EIF4G3: variants seen among roughly 807,000 people sequenced by gnomAD.
The protein encoded by EIF4G3 is eIF-4-gamma 3.
A neutral mutation model predicts 186.4 loss-of-function variants in EIF4G3; 34 were observed. That is an observed-to-expected ratio of 0.18 (90% CI 0.14 to 0.24). The LOEUF is 0.24. Among genes scored for constraint, EIF4G3 ranks in the 10% least tolerant of loss-of-function variants. The pLI, the probability that EIF4G3 is intolerant of heterozygous loss-of-function variation, is 1.00. For synonymous variants in EIF4G3, 673 were observed against 679.5 expected, an observed-to-expected ratio of 0.99 and a Z score of 0.15; for missense variants, 1,536 against 1,948.5, an observed-to-expected ratio of 0.79 and a Z score of 3.99.
intron 3 of EIF4G3, among the ~76,000 whole-genome samples, chr1:21,061,606 G>GA (rs1289790157): frequency 6.6e-6 from 1 of 152,084 alleles, no homozygotes; most frequent in Non-Finnish European, 1.5e-5. Flanking sequence ...GAAAAAGTCT[G>GA]AAACTTATGA....
intron 3 of EIF4G3, among the ~76,000 whole-genome samples, chr1:21,069,692 G>T (rs2095382305): frequency 1.3e-5 from 2 of 152,146 alleles, no homozygotes; most frequent in South Asian, 4.1e-4. Flanking sequence ...GTCACAACAG[G>T]AAAGGCTGTT....
At chr1:21,020,129 T>A (rs2090317723) in intron 4 of EIF4G3, among the ~76,000 whole-genome samples, 1 of 152,134 alleles carries the variant, frequency 6.6e-6, no homozygotes. Flanking sequence ...TCTTACTTAT[T>A]CTTTGCAACG....
chr1:20,945,326 AG>A (rs927144460), intron 13 of EIF4G3, among the ~76,000 whole-genome samples: 1 of 152,230 alleles, frequency 6.6e-6, no homozygotes, highest in Non-Finnish European at 1.5e-5. Context: ...AGGAGAAAAA[AG>A]GAAATCAACT....
chr1:21,079,939 G>C (rs2095713398), intron 3 of EIF4G3, among the ~76,000 whole-genome samples: 1 of 151,000 alleles, frequency 6.6e-6, no homozygotes, highest in Non-Finnish European at 1.5e-5. Context: ...ATCACCTGAG[G>C]TCAGGAGTTC....
Position 20,994,065 on chromosome 1 carries a change from A to C in EIF4G3, c.177+3536T>G, listed in dbSNP as rs532090581. On this transcript the variant is annotated intron_variant, in intron 7 of 36. Coordinates refer to ENST00000602326, the MANE Select transcript of EIF4G3 (RefSeq NM_001391906.1). ...CCATGGAGGGTATTTGGAAATGTAC[A>C]GTGGTGGTTTTCTTTTGTTTTGCTT... 3.3e-5 allele frequency among the ~76,000 whole-genome samples: 5 copies of C among 152,338 alleles called. No homozygotes were observed. In the East Asian group the frequency reaches 9.7e-4, roughly 29 times the overall value.
At chr1:21,115,885 A>AT (rs112476251) in intron 2 of EIF4G3, among the ~76,000 whole-genome samples, 166 of 151,446 alleles carry the variant, frequency 1.1e-3, no homozygotes, top group African/African-American at 3.9e-3. Context: ...TGCCCAGCTA[A>AT]TTTTTTTTTA....
intron 2 of EIF4G3, among the ~76,000 whole-genome samples, chr1:21,098,589 A>G (rs1029061802): frequency 3.0e-4 from 45 of 151,382 alleles, no homozygotes; most frequent in Non-Finnish European, 6.3e-4. Flanking sequence ...GAAGAAAGAA[A>G]CTAAACACTC....
intron 25 of EIF4G3, among the ~76,000 whole-genome samples, chr1:20,856,244 G>A (rs1027666132): frequency 1.3e-5 from 2 of 152,198 alleles, no homozygotes; most frequent in Non-Finnish European, 1.5e-5. Context: ...ACAAAACTGT[G>A]AAGATGCAAA....
At chr1:20,919,163 A>G (rs2094243241) in intron 14 of EIF4G3, among the ~76,000 whole-genome samples, 2 of 152,128 alleles carry the variant, frequency 1.3e-5, no homozygotes, top group African/African-American at 4.8e-5. Context: ...TTAAACTTAT[A>G]CATATTGTCT....
intron 4 of EIF4G3, among the ~76,000 whole-genome samples, chr1:21,019,401 T>A (rs1463006706): frequency 6.6e-6 from 1 of 152,234 alleles, no homozygotes; most frequent in Non-Finnish European, 1.5e-5. Context: ...GAAAACTTGA[T>A]ATGGTAGTAT....
chr1:21,126,710 G>C (rs910532914), intron 2 of EIF4G3, among the ~76,000 whole-genome samples: 3 of 152,064 alleles, frequency 2.0e-5, no homozygotes, highest in African/African-American at 7.2e-5. Context: ...AAGGCATCAA[G>C]TATCAGAGAA....
chr1:21,147,622 C>T (rs765639597), intron 2 of EIF4G3, among the ~76,000 whole-genome samples: 2 of 152,060 alleles, frequency 1.3e-5, no homozygotes, highest in Non-Finnish European at 2.9e-5. Flanking sequence ...TGAGCCACCG[C>T]ACCCAACCTT....
At chr1:20,877,735 T>A (rs2081272285) in intron 20 of EIF4G3, among the ~76,000 whole-genome samples, 1 of 152,330 alleles carries the variant, frequency 6.6e-6, no homozygotes, top group Admixed American at 6.5e-5. Context: ...ACAAGTGGTA[T>A]GAATTAATCT....
chr1:21,048,871 G>C (rs1403390602), intron 4 of EIF4G3, among the ~76,000 whole-genome samples: 1 of 152,120 alleles, frequency 6.6e-6, no homozygotes, highest in Non-Finnish European at 1.5e-5. Flanking sequence ...ATAAGACGTA[G>C]GTTTGGTAGG....
intron 4 of EIF4G3, among the ~76,000 whole-genome samples, chr1:21,010,419 C>CAAAAAAAAAAAAAAAAAAAGAAAAAAAA (rs11318361): frequency 9.9e-6 from 1 of 101,164 alleles, no homozygotes; most frequent in African/African-American, 4.0e-5. Flanking sequence ...GACTCTGTCT[C>CAAAAAAAAAAAAAAAAAAAGAAAAAAAA]AAAAAAAAAA....
intron 16 of EIF4G3, among the ~76,000 whole-genome samples, chr1:20,898,986 TC>T (rs1222573204): frequency 6.6e-6 from 1 of 152,164 alleles, no homozygotes; most frequent in Non-Finnish European, 1.5e-5. Context: ...CGCCTCGGCC[TC>T]CCTAAGTGCT....
intron 29 of EIF4G3, among the ~76,000 whole-genome samples, chr1:20,845,691 A>T (rs989946346): frequency 2.0e-5 from 3 of 151,802 alleles, no homozygotes; most frequent in East Asian, 1.9e-4. Context: ...AAATAAATAA[A>T]AAATAAAAAA....
intron 2 of EIF4G3, among the ~76,000 whole-genome samples, chr1:21,170,726 C>T (rs570503553): frequency 3.3e-5 from 5 of 151,424 alleles, no homozygotes; most frequent in African/African-American, 9.7e-5. Context: ...TAGTAGCTAA[C>T]ACCCGTAATC....
chr1:21,142,934 T>A (rs1362416489), intron 2 of EIF4G3, among the ~76,000 whole-genome samples: 1 of 152,112 alleles, frequency 6.6e-6, no homozygotes, highest in Non-Finnish European at 1.5e-5. Context: ...CATAAAACTG[T>A]TACTAAAGAA....
Sources: gnomAD v4.1 joint callset for allele counts (sites outside exome capture counted in the v4.1 genomes callset) on GRCh38, gnomAD v4.1.1 for gene constraint, MANE v1.5 for transcripts, NCBI Gene and HGNC (gene_info 2026-07-23, HGNC 2026-07-21) for gene names.